NAV2: variants seen among roughly 807,000 people sequenced by gnomAD.
NAV2 encodes neuron navigator 2.
Under a neutral mutation model 223.2 loss-of-function variants are expected in NAV2, and 54 were observed. That is an observed-to-expected ratio of 0.24 (90% CI 0.19 to 0.30). The LOEUF (loss-of-function observed/expected upper bound fraction) is 0.30, where lower values mean the gene tolerates loss of function less well. Ranked by LOEUF, NAV2 falls within the 10% of genes least tolerant of loss-of-function variation. The pLI is 1.00. For missense variants in NAV2, 2,806 were observed against 3,147.5 expected, an observed-to-expected ratio of 0.89 and a Z score of 2.60; for synonymous variants, 1,279 against 1,239.3, an observed-to-expected ratio of 1.03 and a Z score of -0.67.
chr11:19,613,683 A>T (rs1169738303), intron 1 of NAV2, among the ~76,000 whole-genome samples: 2 of 152,210 alleles, frequency 1.3e-5, no homozygotes, highest in Non-Finnish European at 2.9e-5. Context: ...ACAACTTTTC[A>T]TCGTGGGCAA....
intron 6 of NAV2, among the ~76,000 whole-genome samples, chr11:19,932,744 G>T (rs1475199083): frequency 6.6e-6 from 1 of 152,092 alleles, no homozygotes; most frequent in African/African-American, 2.4e-5. Flanking sequence ...TTCTATTTTT[G>T]TAATTGTTGT....
At chr11:19,570,500 T>C (rs1462615006) in intron 1 of NAV2, among the ~76,000 whole-genome samples, 1 of 152,202 alleles carries the variant, frequency 6.6e-6, no homozygotes, top group East Asian at 1.9e-4. Context: ...AAATGACAGC[T>C]TCAGACTTGG....
At chr11:20,036,267 C>G (rs553911972) in intron 12 of NAV2, among the ~76,000 whole-genome samples, 170 bp downstream of exon 12, 1 of 152,330 alleles carries the variant, frequency 6.6e-6, no homozygotes, top group East Asian at 1.9e-4. Context: ...CCTGTGTCCA[C>G]AAGGGAGGGG....
intron 1 of NAV2, among the ~76,000 whole-genome samples, chr11:19,697,142 C>G (rs899721929): frequency 6.6e-6 from 1 of 152,304 alleles, no homozygotes; most frequent in Admixed American, 6.5e-5. Context: ...ATGGGTGGAG[C>G]TGGAGGTCAT....
chr11:19,788,741 A>G (rs954328777), intron 1 of NAV2, among the ~76,000 whole-genome samples: 50 of 152,186 alleles, frequency 3.3e-4, no homozygotes, highest in African/African-American at 1.1e-3. Context: ...CGAACTCACC[A>G]AGCTCATTCT....
At chr11:19,928,834 C>T (rs1192843166) in intron 6 of NAV2, among the ~76,000 whole-genome samples, 7 of 152,184 alleles carry the variant, frequency 4.6e-5, no homozygotes, top group Non-Finnish European at 1.0e-4. Context: ...TAGGATCACG[C>T]CATGAGTTGG....
chr11:19,716,262 C>G (rs116528119), intron 1 of NAV2, among the ~76,000 whole-genome samples: 1,620 of 152,280 alleles, frequency 0.011, 27 homozygotes, highest in African/African-American at 0.037. Context: ...TGGCTGATAA[C>G]ATAGCTTTTA....
chr11:20,100,967 T>C lies in NAV2; in HGVS notation c.6212T>C (p.Val2071Ala). Residue 2071 changes from valine (V) to alanine (A), a missense_variant, in exon 32 of 38, where the codon GTG (valine) becomes GCG (alanine). This residue lies in a region of NAV2 where 824 missense variants were observed against 1,069.4 expected (regional missense o/e 0.77). Coordinates refer to ENST00000349880, the MANE Select transcript of NAV2 (RefSeq NM_145117.5). The part of the protein sequence containing the change: ...GLAENSLDSL[V>A]FESLIPKPIL... ...GCAGAAAACAGCCTGGACTCACTGG[T>C]GTTTGAGTCCTTGATTCCCAAGCCC... is the stretch of plus-strand genomic sequence containing the variant. The C allele has an allele frequency of 6.2e-7, 1 of 1,613,968 alleles. No individual in the cohort carries two copies.
intron 1 of NAV2, among the ~76,000 whole-genome samples, chr11:19,449,626 TG>T (rs1226116618): frequency 2.0e-3 from 5 of 2,516 alleles, no homozygotes; most frequent in East Asian, 0.016. Context: ...GTTGTGGGGG[TG>T]GGGGGGTAGG....
intron 12 of NAV2, among the ~76,000 whole-genome samples, chr11:20,041,960 C>T (rs1379628799): frequency 6.6e-6 from 1 of 152,156 alleles, no homozygotes; most frequent in Non-Finnish European, 1.5e-5. Flanking sequence ...TAATAGTCTT[C>T]GTAGTCTACA....
rs117034790 is a variant in NAV2 at position 20,037,403 on chromosome 11, G to A, written c.2907+1306G>A. ...AAAAAAAGGATGTATCAGAGTGTGG[G>A]AGTAATTCTGTCCCACAGAAATGGA... On this transcript the variant is annotated intron_variant, in intron 12 of 37. Coordinates refer to ENST00000349880, the MANE Select transcript of NAV2 (RefSeq NM_145117.5). Among the ~76,000 whole-genome samples the A allele has an allele frequency of 9.3e-4, 141 of 151,744 alleles. 2 individuals carry two copies. The East Asian group carries it at 0.025, about 26-fold the overall frequency.
intron 1 of NAV2, among the ~76,000 whole-genome samples, chr11:19,689,021 C>T (rs897566814): frequency 1.6e-4 from 24 of 152,164 alleles, no homozygotes; most frequent in African/African-American, 5.6e-4. Context: ...CTGAAAGTAA[C>T]TCAGTATAAG....
chr11:19,564,797 G>T (rs1472089949), intron 1 of NAV2, among the ~76,000 whole-genome samples: 1 of 152,190 alleles, frequency 6.6e-6, no homozygotes, highest in Non-Finnish European at 1.5e-5. Context: ...CAAAGAGGTC[G>T]GGTGACTTGC....
chr11:19,548,298 G>A (rs534534172), intron 1 of NAV2, among the ~76,000 whole-genome samples: 2 of 152,266 alleles, frequency 1.3e-5, no homozygotes, highest in African/African-American at 2.4e-5. Flanking sequence ...GAGAGAATTC[G>A]GTTATTACCC....
At chr11:19,868,192 A>G (rs1480909891) in intron 3 of NAV2, among the ~76,000 whole-genome samples, 1 of 152,178 alleles carries the variant, frequency 6.6e-6, no homozygotes, top group Non-Finnish European at 1.5e-5. Flanking sequence ...TCTTTTACTT[A>G]TGGTACCCGT....
chr11:19,833,527 A>G (rs2060063767), intron 2 of NAV2, among the ~76,000 whole-genome samples: 1 of 152,204 alleles, frequency 6.6e-6, no homozygotes, highest in African/African-American at 2.4e-5. Context: ...CTTGTGATTG[A>G]TTTCTTAGAC....
chr11:20,033,088 C>T (rs2055944455), intron 11 of NAV2, among the ~76,000 whole-genome samples: 1 of 152,202 alleles, frequency 6.6e-6, no homozygotes, highest in Non-Finnish European at 1.5e-5. Context: ...AGAAGGAGCA[C>T]ATATTTTGCA....
intron 1 of NAV2, among the ~76,000 whole-genome samples, chr11:19,740,883 A>G (rs1338726622): frequency 1.3e-5 from 2 of 152,154 alleles, no homozygotes; most frequent in Non-Finnish European, 2.9e-5. Context: ...ATTCCAGATC[A>G]CCCAGCTAGT....
intron 1 of NAV2, among the ~76,000 whole-genome samples, chr11:19,817,324 G>A (rs1303897293): frequency 6.6e-6 from 1 of 152,142 alleles, no homozygotes; most frequent in African/African-American, 2.4e-5. Flanking sequence ...AAAGCATTGA[G>A]GATCCCATTG....
Sources: gnomAD v4.1 joint callset for allele counts (sites outside exome capture counted in the v4.1 genomes callset) on GRCh38, gnomAD v4.1.1 for gene constraint, gnomAD v4.1.1 regional missense constraint, MANE v1.5 for transcripts, NCBI Gene and HGNC (gene_info 2026-07-23, HGNC 2026-07-21) for gene names.